The following PRKCA variants were observed in gnomAD, a reference collection of about 807,000 sequenced individuals.
PRKCA encodes protein kinase C alpha type.
A neutral mutation model predicts 87.0 loss-of-function variants in PRKCA; 27 were observed. The ratio of observed to expected loss-of-function variants is 0.31; its 90% CI spans 0.23 to 0.43. The LOEUF (loss-of-function observed/expected upper bound fraction) is 0.43, where lower values mean the gene tolerates loss of function less well. PRKCA is among the 20% of genes least tolerant of loss of function. The probability of loss-of-function intolerance (pLI) is 1.00; values close to 1 mark genes in which losing one functional copy is unlikely to be tolerated. For missense variants in PRKCA, 518 were observed against 852.3 expected, an observed-to-expected ratio of 0.61 and a Z score of 4.88; for synonymous variants, 329 against 311.1, an observed-to-expected ratio of 1.06 and a Z score of -0.61.
intron 13 of PRKCA, among the ~76,000 whole-genome samples, chr17:66,765,542 ATATATATATGTCTT>A (rs1974795632): frequency 6.9e-6 from 1 of 143,974 alleles, no homozygotes. Context: ...ATATGTCTTT[ATATATATATGTCTT>A]TATATATATA....
In PRKCA at chr17:66,447,174, G is replaced by A. The variant is rs566545272; in HGVS notation, c.206-49027G>A. On this transcript the variant is annotated intron_variant, in intron 2 of 16. Coordinates refer to ENST00000413366, the MANE Select transcript of PRKCA (RefSeq NM_002737.3). ...AATGTTTTGGCAGGGACTTGAAAAT[G>A]TCAGTCATGTGTAGACAGGGAAGTG... Among the ~76,000 whole-genome samples the A allele has an allele frequency of 5.3e-5, 8 of 152,320 alleles. No individual in the cohort carries two copies. The East Asian group carries it at 1.4e-3, about 26-fold the overall frequency.
intron 8 of PRKCA, among the ~76,000 whole-genome samples, chr17:66,708,911 A>G (rs537976664): frequency 2.3e-4 from 35 of 152,338 alleles, no homozygotes; most frequent in African/African-American, 8.2e-4. Context: ...GTTGGAACAA[A>G]ATGGCCTATT....
At chr17:66,771,376 G>A (rs868109466) in intron 13 of PRKCA, among the ~76,000 whole-genome samples, 7 of 152,056 alleles carry the variant, frequency 4.6e-5, no homozygotes, top group Non-Finnish European at 1.0e-4. Context: ...CTATTGACAG[G>A]AATTTATTTT....
At chr17:66,584,023 G>A (rs543746563) in intron 3 of PRKCA, among the ~76,000 whole-genome samples, 33 of 152,290 alleles carry the variant, frequency 2.2e-4, no homozygotes, top group Middle Eastern at 3.4e-3. Flanking sequence ...TGGGTAGCCA[G>A]AAAGGAAGAA....
At chr17:66,548,829 G>C (rs1252320392) in intron 3 of PRKCA, among the ~76,000 whole-genome samples, 5 of 151,246 alleles carry the variant, frequency 3.3e-5, no homozygotes, top group Admixed American at 3.3e-4. Flanking sequence ...TTTGAAGCAG[G>C]CTCTCTCTCT....
At chr17:66,685,328 A>G (rs1972598110) in intron 5 of PRKCA, among the ~76,000 whole-genome samples, 1 of 152,184 alleles carries the variant, frequency 6.6e-6, no homozygotes, top group Non-Finnish European at 1.5e-5. Flanking sequence ...TCAGGGTTAC[A>G]TGGTGAAGGA....
Position 66,420,949 on chromosome 17 carries a change from C to G in PRKCA, c.206-75252C>G, listed in dbSNP as rs186895031. Among the ~76,000 whole-genome samples the G allele has an allele frequency of 7.2e-4, 109 of 152,308 alleles. 1 individual carries two copies. Among genetic ancestry groups the G allele is most frequent in the Admixed American group, 1.3e-3 (20 of 15,296 alleles). On this transcript the variant is annotated intron_variant, in intron 2 of 16. Transcript: ENST00000413366. ...AAATTAACCCTGAAGAAAGAAAGGA[C>G]TGGAATTTCTACTAGCTTGTTGATA...
chr17:66,474,625 G>C (rs1008298935), intron 2 of PRKCA, among the ~76,000 whole-genome samples: 5 of 152,172 alleles, frequency 3.3e-5, no homozygotes, highest in Admixed American at 2.6e-4. Flanking sequence ...TATTGCACTT[G>C]CCTGAAATAA....
chr17:66,563,699 A>G (rs1031139780), intron 3 of PRKCA, among the ~76,000 whole-genome samples: 2 of 152,054 alleles, frequency 1.3e-5, no homozygotes, highest in Non-Finnish European at 2.9e-5. Flanking sequence ...TAGTCTGAAT[A>G]CTCCAGACTG....
chr17:66,499,467 A>C (rs1262110631), intron 3 of PRKCA, among the ~76,000 whole-genome samples: 1 of 152,180 alleles, frequency 6.6e-6, no homozygotes, highest in Non-Finnish European at 1.5e-5. Context: ...GGACAATCTT[A>C]TTTACATGGG....
At chr17:66,532,255 C>G (rs550648448) in intron 3 of PRKCA, among the ~76,000 whole-genome samples, 1 of 152,050 alleles carries the variant, frequency 6.6e-6, no homozygotes, top group Non-Finnish European at 1.5e-5. Flanking sequence ...AAAAAAGTCA[C>G]GTGATGATTC....
intron 3 of PRKCA, among the ~76,000 whole-genome samples, chr17:66,616,637 C>T (rs1970524358): frequency 6.6e-6 from 1 of 152,180 alleles, no homozygotes; most frequent in Non-Finnish European, 1.5e-5. Flanking sequence ...CCCCAGCTAC[C>T]AGAGCCCATT....
intron 14 of PRKCA, chr17:66,778,058 T>G (rs2144348751): frequency 1.0e-6 from 1 of 985,388 alleles, no homozygotes; most frequent in Non-Finnish European, 1.2e-6. Flanking sequence ...AGGCCTTATT[T>G]AAAGGTTTCC....
intron 3 of PRKCA, among the ~76,000 whole-genome samples, chr17:66,529,054 T>G (rs1034211712): frequency 2.0e-5 from 3 of 152,216 alleles, no homozygotes; most frequent in Non-Finnish European, 4.4e-5. Flanking sequence ...TCTTGTTGTT[T>G]TATTGTTTTT....
intron 2 of PRKCA, among the ~76,000 whole-genome samples, chr17:66,440,570 G>C (rs554467736): frequency 6.6e-6 from 1 of 152,256 alleles, no homozygotes; most frequent in South Asian, 2.1e-4. Context: ...CAGCGGCAGT[G>C]AGTGACAGGC....
intron 2 of PRKCA, among the ~76,000 whole-genome samples, chr17:66,358,269 ATTCC>A (rs1274894901): frequency 6.6e-6 from 1 of 152,074 alleles, no homozygotes; most frequent in Admixed American, 6.5e-5. Flanking sequence ...TTAAATAGTT[ATTCC>A]CAGGAGGGCA....
chr17:66,738,927 C>T, intron 11 of PRKCA, 72 bp downstream of exon 11: 1 of 1,205,286 alleles, frequency 8.3e-7, no homozygotes. Context: ...CTTTTTTCCC[C>T]CCCGCTTGAG....
Position 66,587,895 on chromosome 17 carries a change from G to GTGTATATATATA in PRKCA, c.289-53459_289-53458insGTATATATATAT, listed in dbSNP as rs1485055138. ...TGTGTGTGTGTGTGTGTGTGTGTGT[G>GTGTATATATATA]TATATATATATATATATATATATAT... On this transcript the variant is annotated intron_variant, in intron 3 of 16. Coordinates refer to ENST00000413366, the MANE Select transcript of PRKCA (RefSeq NM_002737.3). Among the ~76,000 whole-genome samples the GTGTATATATATA allele has an allele frequency of 9.4e-5, 8 of 85,394 alleles. No homozygotes were observed. In the South Asian group the frequency reaches 1.8e-3, roughly 19 times the overall value. 56.0% of individuals were successfully genotyped at this position (85,394 alleles called of 152,430 possible).
At chr17:66,730,904 C>G (rs1343172809) in intron 8 of PRKCA, among the ~76,000 whole-genome samples, 1 of 152,200 alleles carries the variant, frequency 6.6e-6, no homozygotes, top group Non-Finnish European at 1.5e-5. Flanking sequence ...CCTCGGAAGC[C>G]TTCTCTGCTG....
Sources: allele counts gnomAD v4.1 joint callset (sites outside exome capture counted in the v4.1 genomes callset), GRCh38; gene constraint gnomAD v4.1.1; transcripts MANE v1.5; gene names NCBI Gene and HGNC (gene_info 2026-07-23, HGNC 2026-07-21).